Variants in PLXND1 observed in about 807,000 individuals in gnomAD.
PLXND1 encodes plexin D1, also known as plexin-D1.
PLXND1 carries 54 observed loss-of-function variants against 197.7 expected under a neutral mutation model. The observed-to-expected ratio is 0.27, with a 90% CI of 0.22 to 0.34. The LOEUF (loss-of-function observed/expected upper bound fraction) is 0.34. Among genes scored for constraint, PLXND1 ranks in the 10% least tolerant of loss-of-function variants. The probability of loss-of-function intolerance (pLI) is 1.00; values close to 1 mark genes in which losing one functional copy is unlikely to be tolerated. For synonymous variants in PLXND1, 1,180 were observed against 1,161.2 expected (o/e 1.02, Z -0.33); for missense variants, 2,127 against 2,699.2 (o/e 0.79, Z 4.70).
Position 129,606,018 on chromosome 3 carries a change from G to A in PLXND1, c.622C>T (p.Leu208Phe), listed in dbSNP as rs759016421. Residue 208 changes from leucine (L) to phenylalanine (F), a missense_variant, in exon 1 of 36, where the codon CTC becomes TTC. Physicochemically the swap from Leu to Phe is conservative, Grantham distance 22. Coordinates refer to ENST00000324093, the MANE Select transcript of PLXND1 (RefSeq NM_015103.3). Reference sequence around the variant, plus strand: ...TAACCGGTGTACGTGGCGCCCACGAGCAGGCGGCTGCCCCCCGCGCCCGCG... The same window carrying A: ...TAACCGGTGTACGTGGCGCCCACGAACAGGCGGCTGCCCCCCGCGCCCGCG... ...PAAGAGGSRL[L>F]VGATYTGYGS... 19 of 1,604,992 alleles carry A rather than the reference G, an allele frequency of 1.2e-5. No individual in the cohort carries two copies. Among genetic ancestry groups the A allele is most frequent in the Non-Finnish European group, 1.6e-5 (19 of 1,177,888 alleles).
At chr3:129,586,327 G>T in intron 3 of PLXND1, 55 bp from the exon 4 acceptor site, 1 of 1,365,936 alleles carries the variant, frequency 7.3e-7, no homozygotes, top group African/African-American at 1.4e-5. Context: ...CTCCCTTGGG[G>T]AGGTGGTACG....
intron 2 of PLXND1, among the ~76,000 whole-genome samples, chr3:129,588,388 C>G (rs1184939551): frequency 6.6e-6 from 1 of 152,096 alleles, no homozygotes; most frequent in Non-Finnish European, 1.5e-5. Context: ...GCTCATGTTC[C>G]CAAGCCAGGA....
chr3:129,567,915 G>A (rs553904182), intron 20 of PLXND1, 110 bp from the exon 21 acceptor site: 59 of 367,852 alleles, frequency 1.6e-4, no homozygotes, highest in African/African-American at 1.3e-3. Context: ...GGGTGTGGGA[G>A]GAGGCCCTGC....
chr3:129,586,159 T>C lies in PLXND1; in HGVS notation c.1721+13A>G. 1 of 1,609,782 alleles carries C rather than the reference T, an allele frequency of 6.2e-7. No individual in the cohort carries two copies. The highest frequency in any genetic ancestry group is 8.5e-7 in the Non-Finnish European group (1 of 1,178,782). ...GCCCTCCTGGTCCAGCTGTTGCTGG[T>C]GTCCAGCCTCACCGCGTCTCCAGGG... On this transcript the variant is annotated intron_variant, in intron 4 of 35. Coordinates refer to ENST00000324093, the MANE Select transcript of PLXND1 (RefSeq NM_015103.3).
At chr3:129,589,644 T>C (rs2085509766) in intron 1 of PLXND1, 117 bp from the exon 2 acceptor site, 2 of 895,970 alleles carry the variant, frequency 2.2e-6, no homozygotes, top group Admixed American at 5.7e-5. Context: ...TGTTCCTACT[T>C]TATATCCTCA....
chr3:129,578,679 C>T (rs981848759), intron 8 of PLXND1: 38 of 500,606 alleles, frequency 7.6e-5, no homozygotes, highest in Non-Finnish European at 1.0e-4. Context: ...TGGCATAACC[C>T]GCCCAGTGGT....
At chr3:129,597,363 C>T (rs1340141162) in intron 1 of PLXND1, among the ~76,000 whole-genome samples, 1 of 152,204 alleles carries the variant, frequency 6.6e-6, no homozygotes, top group African/African-American at 2.4e-5. Flanking sequence ...GTGATGGCTG[C>T]TTCTAGAGAG....
Position 129,558,670 on chromosome 3 carries a change from G to A in PLXND1, c.5298-95C>T. The A allele has an allele frequency of 7.9e-7, 1 of 1,261,600 alleles. No homozygotes were observed. Among genetic ancestry groups the A allele is most frequent in the Non-Finnish European group, 1.1e-6 (1 of 891,014 alleles). The allele number at this position is 1,261,600 out of a possible 1,614,324, so 78.2% of individuals were successfully genotyped here. On this transcript the variant is annotated intron_variant, in intron 32 of 35. Transcript: ENST00000324093. This position sits in a 1 kb window ranked among gnomAD's most constrained non-coding sequence, Gnocchi z 4.1. The stretch of plus-strand genomic sequence containing the variant: ...GGAGAGAGCTGGCTTTGTCCCTCAA[G>A]GGCCTGAGGTTGGAGCCTTGTCACA...
intron 1 of PLXND1, among the ~76,000 whole-genome samples, chr3:129,590,217 G>A (rs1360031533): frequency 2.6e-5 from 4 of 152,136 alleles, no homozygotes; most frequent in Non-Finnish European, 5.9e-5. Context: ...ACAGTCCCAT[G>A]TCCACAACAG....
Position 129,557,676 on chromosome 3 carries a change from CT to C in PLXND1, c.5446-454del. Among the ~76,000 whole-genome samples, 1 of 152,320 alleles carries C rather than the reference CT, an allele frequency of 6.6e-6. No individual in the cohort carries two copies. Among genetic ancestry groups the C allele is most frequent in the African/African-American group, 2.4e-5 (1 of 41,576 alleles). ...AGAAGTGCCAAGAACACTCCCAGTT[CT>C]TTGTCAGTCACGGGCACCCTGCCTT... On this transcript the variant is annotated intron_variant, in intron 33 of 35. Transcript: ENST00000324093. The surrounding 1 kb of genome is among the most constrained non-coding windows in gnomAD (Gnocchi z 4.8).
intron 20 of PLXND1, among the ~76,000 whole-genome samples, chr3:129,568,610 G>A (rs558865714): frequency 4.6e-5 from 7 of 152,164 alleles, no homozygotes; most frequent in South Asian, 4.1e-4. Context: ...GTACAGTGGC[G>A]CGATCACATC....
chr3:129,586,809 G>A lies in PLXND1; in HGVS notation c.1489-90C>T. ...ACCTGAGCCCGGGTCTGGGGGCTCT[G>A]CCTCCCCATCCTGTCTTGGACCCTT... is the stretch of plus-strand genomic sequence containing the variant. On this transcript the variant is annotated intron_variant, in intron 2 of 35. Transcript: ENST00000324093. The A allele has an allele frequency of 2.1e-6, 3 of 1,456,790 alleles. No homozygotes were observed. The East Asian group carries it at 7.4e-5, about 36-fold the overall frequency. The allele number at this position is 1,456,790 out of a possible 1,614,324, so 90.2% of individuals were successfully genotyped here.
At chr3:129,574,580 G>T in intron 11 of PLXND1, 90 bp from the exon 12 acceptor site, 2 of 1,310,660 alleles carry the variant, frequency 1.5e-6, no homozygotes, top group Non-Finnish European at 2.1e-6. Flanking sequence ...ACTGTCAAGA[G>T]GTCTGCGCCC....
In PLXND1 at chr3:129,570,869, C is replaced by G. The variant is rs1273132717; in HGVS notation, c.3667G>C (p.Asp1223His). Residue 1223 changes from aspartate (D) to histidine (H), a missense_variant, in exon 19 of 36, where the codon GAC becomes CAC. This residue lies in a region of PLXND1 where 532 missense variants were observed against 811.0 expected (regional missense o/e 0.66). Coordinates refer to ENST00000324093, the MANE Select transcript of PLXND1 (RefSeq NM_015103.3). ...YRVKIGQVSC[D>H]IQIVSDRIIH... ...ATTCTGTCAGAGACAATCTGGATGT[C>G]GCAGCTTACTTGGCCTATCTTGACC... 6.2e-7 allele frequency: 1 copy of G among 1,614,050 alleles called. No individual in the cohort carries two copies. The highest frequency in any genetic ancestry group is 8.5e-7 in the Non-Finnish European group (1 of 1,180,002).
In PLXND1 at chr3:129,556,058, TG is replaced by T. The variant is rs2084968202; in HGVS notation, c.*253del. On this transcript the variant is annotated 3_prime_UTR_variant, in exon 36 of 36. Coordinates refer to ENST00000324093, the MANE Select transcript of PLXND1 (RefSeq NM_015103.3). ...CACAGTGCAGGCCGTGCTGGGCAGA[TG>T]GGGGAGCCTGACCAGCTCTCTGGCC... 1 of 477,094 alleles carries T rather than the reference TG, an allele frequency of 2.1e-6. No homozygotes were observed. Among genetic ancestry groups the T allele is most frequent in the Non-Finnish European group, 3.8e-6 (1 of 261,534 alleles). The allele number at this position is 477,094 out of a possible 1,614,324, so 29.6% of individuals were successfully genotyped here. A position where few individuals can be genotyped will look rare whatever the true frequency, so the allele number is the denominator to read the frequency against.
chr3:129,605,402 G>A lies in PLXND1; in HGVS notation c.1238C>T (p.Pro413Leu). Residue 413 changes from proline to leucine, a missense_variant, in exon 1 of 36, where the codon CCC (proline) becomes CTC (leucine). By Grantham distance (98) the Pro-to-Leu change is moderately conservative (BLOSUM62 -3). Around this residue, in one of 6 missense-constraint regions of PLXND1, gnomAD observed 1,095 missense variants for 1,259.8 expected, o/e 0.87. Coordinates refer to ENST00000324093, the MANE Select transcript of PLXND1 (RefSeq NM_015103.3). ...GCTGTCGAGCACCGCCACCACGTCG[G>A]GCGCCGGTTCCACGAAGCAGGCGGT... is the stretch of plus-strand genomic sequence containing the variant. ...ARTACFVEPA[P>L]DVVAVLDSVV... 1 of 1,500,424 alleles carries A rather than the reference G, an allele frequency of 6.7e-7. No individual in the cohort carries two copies. Among genetic ancestry groups the A allele is most frequent in the Admixed American group, 2.2e-5 (1 of 46,208 alleles). The allele number at this position is 1,500,424 out of a possible 1,614,324, so 92.9% of individuals were successfully genotyped here.
rs866670326 is a variant in PLXND1, at chr3:129,578,580, C to G, written c.2242-147G>C. The G allele has an allele frequency of 4.7e-5, 28 of 597,644 alleles. No homozygotes were observed. In the Middle Eastern group the frequency reaches 1.4e-3, roughly 30 times the overall value. The allele number at this position is 597,644 out of a possible 1,614,324, so 37.0% of individuals were successfully genotyped here. On this transcript the variant is annotated intron_variant, in intron 8 of 35. Coordinates refer to ENST00000324093, the MANE Select transcript of PLXND1 (RefSeq NM_015103.3). ...TCAGTCCTAACGGCCACCAGCCCCA[C>G]CCCGTGCCTCCCACTCGCCACCACC...
At position 129,600,216 on chromosome 3, in the gene PLXND1, C is replaced by A. The variant is rs569000532; in HGVS notation, c.1311+5113G>T. Among the ~76,000 whole-genome samples, 7 of 152,288 alleles carry A rather than the reference C, an allele frequency of 4.6e-5. No homozygotes were observed. In the South Asian group the frequency reaches 1.5e-3, roughly 32 times the overall value. On this transcript the variant is annotated intron_variant, in intron 1 of 35. Coordinates refer to ENST00000324093, the MANE Select transcript of PLXND1 (RefSeq NM_015103.3). ...TTGCTGCACCCAGGCGTCTCACCCA[C>A]CCCTGCCTGCCTTCAGGCCCTATTT...
Position 129,572,718 on chromosome 3 carries a change from T to G in PLXND1, c.2968A>C (p.Met990Leu). ...LPLVHSLEPTMGPKAGGTRIT... is the reference protein window; with the variant it reads ...LPLVHSLEPTLGPKAGGTRIT... ...CTGGTGCCCCCGGCCTTGGGGCCCATGGTAGGCTCCAGGGAGTGGACCAGG... is the reference window on the plus strand; with the variant it reads ...CTGGTGCCCCCGGCCTTGGGGCCCAGGGTAGGCTCCAGGGAGTGGACCAGG... The change falls in exon 15 of 36, where the codon ATG becomes CTG. Residue 990 changes from methionine (M) to leucine (L), a missense_variant. Transcript: ENST00000324093. 5 of 1,599,244 alleles carry G rather than the reference T, an allele frequency of 3.1e-6. No individual in the cohort carries two copies. In the South Asian group the frequency reaches 5.6e-5, roughly 18 times the overall value.
Sources: gnomAD v4.1 joint callset for allele counts (sites outside exome capture counted in the v4.1 genomes callset) on GRCh38, gnomAD v4.1.1 for gene constraint, gnomAD v4.1.1 regional missense constraint, Gnocchi (gnomAD v3.1) non-coding constraint, MANE v1.5 for transcripts, NCBI Gene and HGNC (gene_info 2026-07-23, HGNC 2026-07-21) for gene names.